Variants in ADK observed in about 807,000 individuals in gnomAD.
ADK encodes N6,N6-dimethyladenosine kinase.
ADK carries 24 observed loss-of-function variants against 44.7 expected under a neutral mutation model. The observed-to-expected ratio is 0.54, with a 90% CI of 0.39 to 0.76. The LOEUF (loss-of-function observed/expected upper bound fraction) is 0.76, where lower values mean the gene tolerates loss of function less well. Among genes scored for constraint, ADK ranks in the 30% least tolerant of loss-of-function variants. The pLI is 0.00. For synonymous variants in ADK, 128 were observed against 142.6 expected (o/e 0.90, Z 0.73); for missense variants, 321 against 425.1 (o/e 0.76, Z 2.15).
chr10:74,205,040 C>CAAAAAAAAAAA (rs60670688), intron 2 of ADK, among the ~76,000 whole-genome samples: 1 of 51,644 alleles, frequency 1.9e-5, no homozygotes, highest in African/African-American at 9.9e-5. Flanking sequence ...CACTCTGTCT[C>CAAAAAAAAAAA]AAAAAAAAAA....
intron 7 of ADK, among the ~76,000 whole-genome samples, chr10:74,576,601 C>T (rs749436838): frequency 4.6e-5 from 7 of 151,934 alleles, no homozygotes; most frequent in East Asian, 1.9e-4. Context: ...GTTGGTGACC[C>T]GTGAGAAAAG....
At chr10:74,541,806 T>TA (rs1391255368) in intron 7 of ADK, among the ~76,000 whole-genome samples, 3 of 7,286 alleles carry the variant, frequency 4.1e-4, no homozygotes, top group Non-Finnish European at 7.5e-4. Context: ...CCCCCCCCCC[T>TA]AAAAAAAAAC....
chr10:74,466,982 CAT>C (rs1163777575), intron 6 of ADK, among the ~76,000 whole-genome samples: 4 of 151,990 alleles, frequency 2.6e-5, no homozygotes, highest in East Asian at 1.9e-4. Context: ...TGTATATATA[CAT>C]GTTTGTATTG....
chr10:74,331,547 G>T (rs796872169), intron 4 of ADK, among the ~76,000 whole-genome samples: 1 of 152,064 alleles, frequency 6.6e-6, no homozygotes, highest in Admixed American at 6.6e-5. Context: ...GCAGTGGCAC[G>T]ATCTCAGCTC....
At chr10:74,487,336 T>G (rs749608576) in intron 6 of ADK, among the ~76,000 whole-genome samples, 10 of 151,942 alleles carry the variant, frequency 6.6e-5, no homozygotes, top group Non-Finnish European at 1.3e-4. Context: ...AGGGGACAAC[T>G]CTAAGAAATA....
rs750202264 is a variant in ADK at position 74,702,190 on chromosome 10, A to AT, written c.965-6116dup. On this transcript the variant is annotated intron_variant, in intron 10 of 10. Transcript: ENST00000539909. ...TGATAAAGAACAGAATATTTATGTG[A>AT]TTTTTTTTTTTTTTTGAGATGGAGT... Among the ~76,000 whole-genome samples, 580 of 139,510 alleles carry AT rather than the reference A, an allele frequency of 4.2e-3. 2 individuals are homozygous for AT. Among genetic ancestry groups the AT allele is most frequent in the Middle Eastern group, 7.4e-3 (2 of 272 alleles). The allele number at this position is 139,510 out of a possible 152,430, so 91.5% of individuals were successfully genotyped here. A position where few individuals can be genotyped will look rare whatever the true frequency, so the allele number is the denominator to read the frequency against.
intron 6 of ADK, among the ~76,000 whole-genome samples, chr10:74,424,535 C>CAAAAAAAAAAAAA (rs57106986): frequency 6.3e-4 from 37 of 58,460 alleles, no homozygotes; most frequent in Middle Eastern, 0.01. Context: ...AACTCCGTCT[C>CAAAAAAAAAAAAA]AAAAAAAAAA....
chr10:74,223,589 G>A (rs1844410074), intron 2 of ADK, among the ~76,000 whole-genome samples: 1 of 151,984 alleles, frequency 6.6e-6, no homozygotes, highest in South Asian at 2.1e-4. Flanking sequence ...TTGAAGACCT[G>A]GGAATTGTTG....
intron 6 of ADK, among the ~76,000 whole-genome samples, chr10:74,485,808 GTTTA>G (rs1267684011): frequency 6.6e-6 from 1 of 152,108 alleles, no homozygotes; most frequent in Non-Finnish European, 1.5e-5. Context: ...TTTTAAAGAT[GTTTA>G]TTTATTAGAA....
At chr10:74,449,852 T>C (rs879798532) in intron 6 of ADK, among the ~76,000 whole-genome samples, 2 of 152,186 alleles carry the variant, frequency 1.3e-5, no homozygotes, top group African/African-American at 2.4e-5. Context: ...TGCCATGGCC[T>C]GGCACAGTAA....
chr10:74,504,992 A>G (rs1046677753), intron 6 of ADK, among the ~76,000 whole-genome samples: 1 of 152,052 alleles, frequency 6.6e-6, no homozygotes, highest in South Asian at 2.1e-4. Context: ...GTGGAGGTGG[A>G]TCATCATAAA....
chr10:74,161,356 C>G (rs1258733032), intron 1 of ADK, among the ~76,000 whole-genome samples: 1 of 151,942 alleles, frequency 6.6e-6, no homozygotes, highest in Non-Finnish European at 1.5e-5. Context: ...TGCACACCAC[C>G]ACACCTGGCT....
intron 6 of ADK, among the ~76,000 whole-genome samples, chr10:74,435,124 A>G (rs1443952474): frequency 6.6e-6 from 1 of 152,134 alleles, no homozygotes; most frequent in East Asian, 1.9e-4. Context: ...TTGCTTAAAG[A>G]TATAAGAGAT....
intron 6 of ADK, among the ~76,000 whole-genome samples, chr10:74,451,257 T>C (rs949001699): frequency 1.3e-5 from 2 of 151,994 alleles, no homozygotes; most frequent in Non-Finnish European, 2.9e-5. Flanking sequence ...TATTCTGCCC[T>C]GATTGCTTTT....
chr10:74,694,613 C>T (rs1856109575), intron 10 of ADK, among the ~76,000 whole-genome samples: 1 of 151,788 alleles, frequency 6.6e-6, no homozygotes, highest in South Asian at 2.1e-4. Context: ...TCCCGAGTAG[C>T]TAGGACTAAA....
chr10:74,380,068 CTT>C (rs1375085056), intron 4 of ADK, among the ~76,000 whole-genome samples: 2 of 152,310 alleles, frequency 1.3e-5, no homozygotes, highest in African/African-American at 2.4e-5. Flanking sequence ...GCCTCCCACT[CTT>C]TGTCTTTCTC....
chr10:74,423,862 T>C, intron 6 of ADK: 1 of 262,864 alleles, frequency 3.8e-6, no homozygotes, highest in Non-Finnish European at 7.8e-6. Flanking sequence ...GCAGACAGTC[T>C]GTGTAAGGAA....
chr10:74,638,472 G>A lies in ADK; in HGVS notation c.878-31711G>A, dbSNP rs184800981. 5.1e-3 allele frequency among the ~76,000 whole-genome samples: 770 copies of A among 152,170 alleles called. 6 individuals are homozygous for A. Among genetic ancestry groups the A allele is most frequent in the African/African-American group, 0.017 (715 of 41,518 alleles). On this transcript the variant is annotated intron_variant, in intron 9 of 10. Transcript: ENST00000539909. ...AGGCCAGGAGTTCAAGACCAGCCTG[G>A]GAACATAGTGAGACCCTGCAAAAAA...
intron 4 of ADK, among the ~76,000 whole-genome samples, chr10:74,323,195 G>A (rs1840877899): frequency 6.6e-6 from 1 of 152,078 alleles, no homozygotes; most frequent in South Asian, 2.1e-4. Context: ...TTTTGGAATT[G>A]GAATTCAGAA....
Sources: allele counts gnomAD v4.1 joint callset (sites outside exome capture counted in the v4.1 genomes callset), GRCh38; gene constraint gnomAD v4.1.1; transcripts MANE v1.5; gene names NCBI Gene and HGNC (gene_info 2026-07-23, HGNC 2026-07-21).